Variants in MARCHF1 observed in about 807,000 individuals in gnomAD.
MARCHF1 encodes membrane associated ring-CH-type finger 1, also known as E3 ubiquitin-protein ligase MARCHF1.
MARCHF1 carries 40 observed loss-of-function variants against 54.2 expected under a neutral mutation model. That is an observed-to-expected ratio of 0.74 (90% CI 0.57 to 0.96). The LOEUF is 0.96. MARCHF1 is among the 40% of genes least tolerant of loss of function. The pLI is 0.00. For missense variants in MARCHF1, 586 were observed against 656.5 expected (o/e 0.89, Z 1.17); for synonymous variants, 236 against 236.3 (o/e 1.00, Z 0.01).
intron 3 of MARCHF1, chr4:163,932,421 T>C: frequency 2.7e-6 from 1 of 375,066 alleles, no homozygotes; most frequent in Non-Finnish European, 5.3e-6. Flanking sequence ...TCAACTAAGT[T>C]TATGTAATAT....
chr4:163,729,856 G>A (rs942053482), intron 4 of MARCHF1, among the ~76,000 whole-genome samples: 2 of 151,986 alleles, frequency 1.3e-5, no homozygotes, highest in Non-Finnish European at 2.9e-5. Flanking sequence ...AATTCTCTTT[G>A]TCCTTGTCTT....
At chr4:164,098,411 T>A (rs75447690) in intron 2 of MARCHF1, among the ~76,000 whole-genome samples, 1,998 of 152,304 alleles carry the variant, frequency 0.013, 32 homozygotes, top group African/African-American at 0.042. Flanking sequence ...AGTGCTTGTT[T>A]GGAAGGACAA....
intron 5 of MARCHF1, among the ~76,000 whole-genome samples, chr4:163,648,118 G>GT: frequency 6.6e-6 from 1 of 151,818 alleles, no homozygotes; most frequent in East Asian, 1.9e-4. Context: ...ACCTAATAAA[G>GT]TTTTTCTATT....
rs1744491668 is a variant in MARCHF1, at chr4:163,692,440, T to A, written c.162+8373A>T. 2.6e-5 allele frequency among the ~76,000 whole-genome samples: 4 copies of A among 152,168 alleles called. No individual in the cohort carries two copies. In the South Asian group the frequency reaches 8.3e-4, roughly 32 times the overall value. On this transcript the variant is annotated intron_variant, in intron 5 of 9. Coordinates refer to ENST00000514618, the MANE Select transcript of MARCHF1 (RefSeq NM_001394959.1). ...AGTGCTGTGTGGGCAATGAGCATTC[T>A]GGGCAGCAGCAGCATGAAGGGCAAA...
chr4:163,938,367 A>C (rs898618827), intron 3 of MARCHF1, among the ~76,000 whole-genome samples: 3 of 152,202 alleles, frequency 2.0e-5, no homozygotes, highest in African/African-American at 7.2e-5. Flanking sequence ...TCACTCAGCA[A>C]TGAGGTGACT....
chr4:163,804,438 A>G (rs776561074), intron 4 of MARCHF1, among the ~76,000 whole-genome samples: 6 of 152,188 alleles, frequency 3.9e-5, no homozygotes, highest in Non-Finnish European at 8.8e-5. Flanking sequence ...GACAAATGAT[A>G]CTTTTTAACA....
intron 5 of MARCHF1, among the ~76,000 whole-genome samples, chr4:163,676,281 C>T (rs1465981169): frequency 3.4e-5 from 5 of 148,716 alleles, no homozygotes; most frequent in Admixed American, 1.3e-4. Flanking sequence ...CCCTTGAACG[C>T]GGGAGGCGGA....
intron 2 of MARCHF1, among the ~76,000 whole-genome samples, chr4:164,059,504 C>T (rs1436974835): frequency 1.3e-5 from 2 of 152,164 alleles, no homozygotes; most frequent in Non-Finnish European, 2.9e-5. Context: ...AAACATGCTT[C>T]TTTAGCTTTA....
intron 2 of MARCHF1, among the ~76,000 whole-genome samples, chr4:164,080,156 T>C (rs1755065621): frequency 6.6e-6 from 1 of 152,188 alleles, no homozygotes; most frequent in Non-Finnish European, 1.5e-5. Context: ...ATAAGTCATA[T>C]GTAGAACAAC....
chr4:163,728,735 A>C (rs1745742609), intron 4 of MARCHF1, among the ~76,000 whole-genome samples: 1 of 152,206 alleles, frequency 6.6e-6, no homozygotes, highest in Non-Finnish European at 1.5e-5. Context: ...AGACAATCAT[A>C]TTTCATGAAC....
At chr4:164,264,329 A>C (rs1235530296) in intron 1 of MARCHF1, among the ~76,000 whole-genome samples, 1 of 152,144 alleles carries the variant, frequency 6.6e-6, no homozygotes. Context: ...ACTGGGGTCT[A>C]CATGAGGGTG....
At chr4:163,858,446 A>T (rs553242817) in intron 3 of MARCHF1, among the ~76,000 whole-genome samples, 4 of 152,020 alleles carry the variant, frequency 2.6e-5, no homozygotes, top group South Asian at 4.2e-4. Context: ...CCCTCTCTTT[A>T]CCACATGCAT....
At chr4:163,613,289 T>A in intron 6 of MARCHF1, 25 bp downstream of exon 6, 1 of 1,584,698 alleles carries the variant, frequency 6.3e-7, no homozygotes. Flanking sequence ...AGAATATAGA[T>A]TAAGATAATT....
chr4:164,098,695 A>C (rs1477387066), intron 2 of MARCHF1, among the ~76,000 whole-genome samples: 2 of 152,236 alleles, frequency 1.3e-5, no homozygotes, highest in Non-Finnish European at 2.9e-5. Flanking sequence ...CTGTTCAGTC[A>C]CAGAAGAGAG....
intron 4 of MARCHF1, among the ~76,000 whole-genome samples, chr4:163,850,281 A>T (rs1749607697): frequency 6.6e-6 from 1 of 152,178 alleles, no homozygotes; most frequent in Non-Finnish European, 1.5e-5. Flanking sequence ...CCCCTGAGGT[A>T]TCTGTATCTG....
At chr4:163,930,508 T>C (rs1301010883) in intron 3 of MARCHF1, among the ~76,000 whole-genome samples, 2 of 151,464 alleles carry the variant, frequency 1.3e-5, no homozygotes, top group African/African-American at 4.9e-5. Flanking sequence ...GTGTGATGAT[T>C]AATTTTATGC....
chr4:163,695,127 A>T (rs764945600), intron 5 of MARCHF1, among the ~76,000 whole-genome samples: 1 of 152,138 alleles, frequency 6.6e-6, no homozygotes, highest in Non-Finnish European at 1.5e-5. Flanking sequence ...AGAACATTAA[A>T]CACCTGTTCA....
intron 1 of MARCHF1, among the ~76,000 whole-genome samples, chr4:164,374,168 T>C (rs1731117618): frequency 6.6e-6 from 1 of 152,164 alleles, no homozygotes; most frequent in Non-Finnish European, 1.5e-5. Context: ...TTCCTCTACA[T>C]ATAATTTATT....
intron 1 of MARCHF1, among the ~76,000 whole-genome samples, chr4:164,311,007 G>T (rs1046847215): frequency 6.6e-6 from 1 of 152,094 alleles, no homozygotes; most frequent in African/African-American, 2.4e-5. Context: ...GATGCTCTTA[G>T]AATTCATCGT....
Sources: allele counts gnomAD v4.1 joint callset (sites outside exome capture counted in the v4.1 genomes callset), GRCh38; gene constraint gnomAD v4.1.1; transcripts MANE v1.5; gene names NCBI Gene and HGNC (gene_info 2026-07-23, HGNC 2026-07-21).